Variants in SVIL observed in about 807,000 individuals in gnomAD.
SVIL encodes the protein archvillin.
Under a neutral mutation model 240.4 loss-of-function variants are expected in SVIL, and 101 were observed. The ratio of observed to expected loss-of-function variants is 0.42; its 90% confidence interval spans 0.36 to 0.50. The LOEUF (loss-of-function observed/expected upper bound fraction) is 0.50, where lower values mean the gene tolerates loss of function less well. SVIL is among the 20% of genes least tolerant of loss of function. The probability of loss-of-function intolerance (pLI) is 0.01; values close to 1 mark genes in which losing one functional copy is unlikely to be tolerated. For missense variants in SVIL, 2,512 were observed against 2,818.7 expected, an observed-to-expected ratio of 0.89 and a Z score of 2.46; for synonymous variants, 999 against 1,100.0, an observed-to-expected ratio of 0.91 and a Z score of 1.82.
intron 3 of SVIL, among the ~76,000 whole-genome samples, chr10:29,561,206 G>A (rs74129723): frequency 0.054 from 8,228 of 152,152 alleles, 277 homozygotes; most frequent in Admixed American, 0.11. Context: ...ACATAAAATC[G>A]TCATCTTTGA....
chr10:29,636,863 G>A (rs1269785943), upstream of SVIL, among the ~76,000 whole-genome samples: 1 of 152,116 alleles, frequency 6.6e-6, no homozygotes, highest in African/African-American at 2.4e-5. Flanking sequence ...GAGTAGAGGT[G>A]TGCAATCATG....
intron 1 of SVIL, among the ~76,000 whole-genome samples, chr10:29,586,062 G>T (rs1468795597): frequency 6.6e-6 from 1 of 152,218 alleles, no homozygotes; most frequent in East Asian, 1.9e-4. Context: ...AGCTACTGCA[G>T]CAAGTTTGGA....
At chr10:29,729,238 C>T (rs1964460453) in intron 1 of SVIL, among the ~76,000 whole-genome samples, 1 of 152,146 alleles carries the variant, frequency 6.6e-6, no homozygotes, top group African/African-American at 2.4e-5. Flanking sequence ...GGATCATTTT[C>T]CAACAGTACC....
chr10:29,579,469 A>T (rs751769085), intron 1 of SVIL, among the ~76,000 whole-genome samples: 4 of 151,536 alleles, frequency 2.6e-5, no homozygotes, highest in African/African-American at 9.7e-5. Context: ...AAAACAAAAA[A>T]CAAAAAACAA....
intron 12 of SVIL, among the ~76,000 whole-genome samples, 190 bp from the exon 13 acceptor site, chr10:29,527,246 T>C (rs1459781212): frequency 2.0e-5 from 3 of 152,056 alleles, no homozygotes; most frequent in Admixed American, 6.6e-5. Context: ...AAATAAGAGA[T>C]AGTGGCTACC....
At chr10:29,686,067 G>A (rs1374652388) in intron 2 of SVIL, among the ~76,000 whole-genome samples, 1 of 152,142 alleles carries the variant, frequency 6.6e-6, no homozygotes, top group Non-Finnish European at 1.5e-5. Context: ...AGATCAATAT[G>A]AATTTAAATA....
chr10:29,553,067 C>T (rs1165612717), intron 5 of SVIL, among the ~76,000 whole-genome samples: 1 of 151,498 alleles, frequency 6.6e-6, no homozygotes, highest in African/African-American at 2.4e-5. Context: ...ATTCTCCTGC[C>T]TCAGCCTCCC....
rs561516157 is a variant in SVIL at position 29,487,064 on chromosome 10, C to A, written c.4485+99G>T. 3.4e-6 allele frequency: 5 copies of A among 1,455,628 alleles called. No homozygotes were observed. The African/African-American group carries it at 7.0e-5, about 20-fold the overall frequency. The allele number at this position is 1,455,628 out of a possible 1,614,324, so 90.2% of individuals were successfully genotyped here. A position where few individuals can be genotyped will look rare whatever the true frequency, so the allele number is the denominator to read the frequency against. ...ATCCCTTCTCACTTGAATGCAACAC[C>A]TGGCTTTTGAGAAGCTTTGTGACTG... On this transcript the variant is annotated intron_variant, in intron 24 of 37. Transcript: ENST00000355867.
intron 2 of SVIL, among the ~76,000 whole-genome samples, chr10:29,684,620 T>C (rs1960918108): frequency 1.3e-5 from 2 of 152,132 alleles, no homozygotes; most frequent in African/African-American, 4.8e-5. Context: ...CATAGTCTCA[T>C]AGGTGGCTGC....
chr10:29,694,465 A>AT (rs142372925), intron 1 of SVIL, among the ~76,000 whole-genome samples: 10,420 of 150,032 alleles, frequency 0.069, 485 homozygotes, highest in African/African-American at 0.13. Flanking sequence ...CCAAAATACA[A>AT]TTTTTTTTTT....
chr10:29,639,532 G>A (rs991841882), upstream of SVIL, among the ~76,000 whole-genome samples: 20 of 145,230 alleles, frequency 1.4e-4, no homozygotes, highest in Non-Finnish European at 1.6e-4. Context: ...TGTAATGCAC[G>A]ATCTCGGCTC....
At chr10:29,677,469 C>A (rs1960285722) in intron 2 of SVIL, among the ~76,000 whole-genome samples, 1 of 152,174 alleles carries the variant, frequency 6.6e-6, no homozygotes, top group South Asian at 2.1e-4. Context: ...AGTGCAGTGG[C>A]ACAATCATAG....
At chr10:29,491,049 G>C in intron 21 of SVIL, 30 bp from the exon 22 acceptor site, 1 of 1,596,300 alleles carries the variant, frequency 6.3e-7, no homozygotes, top group Non-Finnish European at 8.5e-7. Context: ...CGCGGTCCCA[G>C]TCTGTGACAC....
In SVIL at chr10:29,535,979, G is replaced by T. The variant is rs775604074; in HGVS notation, c.908+10C>A. ...TGCACACAAGCCCCAGAGGGCCGGC[G>T]TGCGGGTACCTGGAAGGCCAGTTGA... On this transcript the variant is annotated intron_variant, in intron 7 of 37. Transcript: ENST00000355867. 1 of 1,614,038 alleles carries T rather than the reference G, an allele frequency of 6.2e-7. No individual in the cohort carries two copies. The highest frequency in any genetic ancestry group is 1.1e-5 in the South Asian group (1 of 91,068).
intron 15 of SVIL, among the ~76,000 whole-genome samples, chr10:29,523,247 C>A (rs1286380978): frequency 6.6e-6 from 1 of 152,194 alleles, no homozygotes; most frequent in Non-Finnish European, 1.5e-5. Context: ...TGTGTGAAAG[C>A]TCTTCCAGTA....
At chr10:29,599,447 G>A (rs543398281) in intron 1 of SVIL, among the ~76,000 whole-genome samples, 2 of 150,044 alleles carry the variant, frequency 1.3e-5, no homozygotes, top group Non-Finnish European at 3.0e-5. Flanking sequence ...ACAGAGTCTC[G>A]CTCTCTCGCC....
At chr10:29,571,776 G>A (rs1457881841) in intron 1 of SVIL, among the ~76,000 whole-genome samples, 3 of 152,130 alleles carry the variant, frequency 2.0e-5, no homozygotes, top group South Asian at 2.1e-4. Context: ...ACAGAAAAAC[G>A]GAACATTCAA....
rs542529388 is a variant in SVIL at position 29,644,018 on chromosome 10, G to A, written c.-201+13951C>T. Reference sequence around the variant, plus strand: ...CTGGACACCAGGCTCAGAGTCTTGAGAGTAATCAGAGATGTACAAAGTGTG... The same window carrying A: ...CTGGACACCAGGCTCAGAGTCTTGAAAGTAATCAGAGATGTACAAAGTGTG... On this transcript the variant is annotated intron_variant, in intron 3 of 35. Coordinates refer to the SVIL transcript ENST00000375400. 3 of 518,582 alleles carry A rather than the reference G, an allele frequency of 5.8e-6. No individual in the cohort carries two copies. In the Admixed American group the frequency reaches 5.8e-5, roughly 10 times the overall value. The allele number at this position is 518,582 out of a possible 1,614,324, so 32.1% of individuals were successfully genotyped here. A position where few individuals can be genotyped will look rare whatever the true frequency, so the allele number is the denominator to read the frequency against.
chr10:29,661,197 A>C (rs1959152290), intron 2 of SVIL, among the ~76,000 whole-genome samples: 1 of 152,080 alleles, frequency 6.6e-6, no homozygotes, highest in Admixed American at 6.6e-5. Flanking sequence ...CTGTGCCTGA[A>C]ACACTTGAGT....
Sources: allele counts gnomAD v4.1 joint callset (sites outside exome capture counted in the v4.1 genomes callset), GRCh38; gene constraint gnomAD v4.1.1; transcripts MANE v1.5; gene names NCBI Gene and HGNC (gene_info 2026-07-23, HGNC 2026-07-21).